Variants in MMS22L observed in about 807,000 individuals in gnomAD.
MMS22L encodes protein MMS22-like.
A neutral mutation model predicts 159.1 loss-of-function variants in MMS22L; 74 were observed. The observed-to-expected ratio is 0.47, with a 90% CI of 0.39 to 0.56. The LOEUF is 0.56. Among genes scored for constraint, MMS22L ranks in the 20% least tolerant of loss-of-function variants. MMS22L has a pLI of 0.00. For missense variants in MMS22L, 1,351 were observed against 1,422.1 expected, an observed-to-expected ratio of 0.95 and a Z score of 0.80; for synonymous variants, 517 against 506.9, an observed-to-expected ratio of 1.02 and a Z score of -0.27.
intron 13 of MMS22L, 82 bp downstream of exon 13, chr6:97,231,344 C>T (rs1810838494): frequency 2.0e-6 from 2 of 1,012,728 alleles, no homozygotes; most frequent in Non-Finnish European, 3.0e-6. Context: ...ACTCTAATCC[C>T]AAGTAAACAT....
intron 23 of MMS22L, 54 bp downstream of exon 23, chr6:97,151,717 G>T (rs1324072346): frequency 2.1e-5 from 28 of 1,320,298 alleles, no homozygotes; most frequent in Non-Finnish European, 3.1e-5. Flanking sequence ...AAACATGTTG[G>T]CTGTCAAATG....
At chr6:97,198,033 A>C (rs1582574417) in intron 14 of MMS22L, among the ~76,000 whole-genome samples, 1 of 152,118 alleles carries the variant, frequency 6.6e-6, no homozygotes, top group East Asian at 1.9e-4. Flanking sequence ...CCTGTGACTG[A>C]TTTGACCAAA....
At chr6:97,167,011 T>C (rs1803024210) in intron 20 of MMS22L, among the ~76,000 whole-genome samples, 1 of 152,164 alleles carries the variant, frequency 6.6e-6, no homozygotes, top group Admixed American at 6.6e-5. Flanking sequence ...AAAAGATTGT[T>C]ACATAATCAA....
At chr6:97,200,212 AAT>A (rs1291072610) in intron 14 of MMS22L, among the ~76,000 whole-genome samples, 1 of 152,012 alleles carries the variant, frequency 6.6e-6, no homozygotes, top group East Asian at 1.9e-4. Context: ...CGTTTAGAAT[AAT>A]ATCATATTTA....
chr6:97,246,066 T>C, intron 11 of MMS22L: 2 of 337,102 alleles, frequency 5.9e-6, no homozygotes, highest in East Asian at 9.2e-5. Context: ...CCATACAATA[T>C]GTTTAAAAAT....
intron 16 of MMS22L, among the ~76,000 whole-genome samples, chr6:97,179,924 G>A (rs1804532754): frequency 6.6e-6 from 1 of 152,186 alleles, no homozygotes; most frequent in Admixed American, 6.5e-5. Flanking sequence ...GTGGCAAGTA[G>A]AATAAATATC....
At chr6:97,205,757 C>T (rs1807718610) in intron 14 of MMS22L, among the ~76,000 whole-genome samples, 1 of 152,158 alleles carries the variant, frequency 6.6e-6, no homozygotes, top group South Asian at 2.1e-4. Flanking sequence ...CATTAGCTGA[C>T]CCAATCATTT....
At chr6:97,198,524 T>A (rs1806792784) in intron 14 of MMS22L, among the ~76,000 whole-genome samples, 1 of 152,078 alleles carries the variant, frequency 6.6e-6, no homozygotes, top group African/African-American at 2.4e-5. Flanking sequence ...TATATTATGC[T>A]CTAAAGGGCA....
rs917428198 is a variant in MMS22L at position 97,209,219 on chromosome 6, T to C, written c.2039+19675A>G. Among the ~76,000 whole-genome samples the C allele has an allele frequency of 4.6e-5, 7 of 152,092 alleles. 1 individual carries two copies. The highest frequency in any genetic ancestry group is 4.6e-4 in the Admixed American group (7 of 15,250). On this transcript the variant is annotated intron_variant, in intron 14 of 24. Transcript: ENST00000683635. ...TTTCACTTTACACTAGTTATACACA[T>C]GTACGGTTTACTAAAAAATAATTTC...
intron 14 of MMS22L, among the ~76,000 whole-genome samples, chr6:97,195,238 A>C (rs972238296): frequency 2.6e-5 from 4 of 152,192 alleles, no homozygotes; most frequent in African/African-American, 9.7e-5. Flanking sequence ...ACAGTTTCAC[A>C]GACTCAAGGA....
chr6:97,271,008 AAAAGT>A (rs1212271330), intron 6 of MMS22L: 2 of 152,126 alleles, frequency 1.3e-5, no homozygotes, highest in South Asian at 2.1e-4. Flanking sequence ...TACTTGATGA[AAAAGT>A]AAATAAAAGA....
chr6:97,153,106 C>T (rs796691328), intron 22 of MMS22L, among the ~76,000 whole-genome samples: 6 of 151,998 alleles, frequency 3.9e-5, no homozygotes, highest in African/African-American at 1.4e-4. Flanking sequence ...CGTCCCAAAG[C>T]ACTGGGATTA....
At chr6:97,234,480 A>G (rs1811190439) in intron 11 of MMS22L, among the ~76,000 whole-genome samples, 1 of 152,176 alleles carries the variant, frequency 6.6e-6, no homozygotes, top group South Asian at 2.1e-4. Flanking sequence ...AAGGAAGTAG[A>G]AAAAACATAG....
chr6:97,245,866 CACACACACACACACACACACACACAT>C (rs1198551238), intron 11 of MMS22L: 5 of 129,506 alleles, frequency 3.9e-5, no homozygotes, highest in Non-Finnish European at 8.6e-5. Context: ...CACACACACA[CACACACACACACACACACACACACAT>C]ATAAAGCAAT....
intron 14 of MMS22L, among the ~76,000 whole-genome samples, chr6:97,201,842 G>T (rs1807202588): frequency 6.6e-6 from 1 of 152,174 alleles, no homozygotes; most frequent in African/African-American, 2.4e-5. Context: ...TGACAGAATA[G>T]AAATGACTGG....
intron 4 of MMS22L, among the ~76,000 whole-genome samples, chr6:97,277,845 C>G (rs1250904753): frequency 6.6e-6 from 1 of 152,050 alleles, no homozygotes; most frequent in Non-Finnish European, 1.5e-5. Flanking sequence ...TGTATTTTTC[C>G]TTTTTTCATA....
chr6:97,225,273 T>C (rs762754302), intron 14 of MMS22L, among the ~76,000 whole-genome samples: 3 of 152,212 alleles, frequency 2.0e-5, no homozygotes, highest in Non-Finnish European at 4.4e-5. Flanking sequence ...TTGCTTTCTT[T>C]GTATTTTTAA....
At chr6:97,159,948 GTT>G (rs368455553) in intron 22 of MMS22L, among the ~76,000 whole-genome samples, 244 of 97,174 alleles carry the variant, frequency 2.5e-3, no homozygotes, top group African/African-American at 9.2e-3. Flanking sequence ...TATCATTTCT[GTT>G]TTTTTTTTTT....
chr6:97,143,578 G>GA lies in MMS22L; in HGVS notation c.*3227dup, dbSNP rs1173430051. 6.6e-6 allele frequency: 1 copy of GA among 152,104 alleles called. No individual in the cohort carries two copies. The highest frequency in any genetic ancestry group is 1.5e-5 in the Non-Finnish European group (1 of 68,034). The allele number at this position is 152,104 out of a possible 1,614,324, so 9.4% of individuals were successfully genotyped here. On this transcript the variant is annotated 3_prime_UTR_variant, in exon 25 of 25. Coordinates refer to ENST00000683635, the MANE Select transcript of MMS22L (RefSeq NM_001350599.2). The stretch of plus-strand genomic sequence containing the variant: ...GTAAGGAAATAAGTAGTGCCCAACA[G>GA]AAAAAACAAACAACCAGTGGATGCA...
Sources: allele counts gnomAD v4.1 joint callset (sites outside exome capture counted in the v4.1 genomes callset), GRCh38; gene constraint gnomAD v4.1.1; transcripts MANE v1.5; gene names NCBI Gene and HGNC (gene_info 2026-07-23, HGNC 2026-07-21).